Variants in ZDHHC11B observed in about 807,000 individuals in gnomAD.
The protein encoded by ZDHHC11B is zDHHC palmitoyltransferase 11B (putative).
Under a neutral mutation model 42.3 loss-of-function variants are expected in ZDHHC11B, and 17 were observed. The observed-to-expected ratio is 0.40, with a 90% CI of 0.27 to 0.60. The LOEUF (loss-of-function observed/expected upper bound fraction) is 0.60. ZDHHC11B is among the 20% of genes least tolerant of loss of function. The pLI is 0.41. For missense variants in ZDHHC11B, 262 were observed against 463.2 expected, an observed-to-expected ratio of 0.57 and a Z score of 3.99; for synonymous variants, 123 against 193.5, an observed-to-expected ratio of 0.64 and a Z score of 3.02.
At chr5:751,984 T>A (rs1745836508) in intron 6 of ZDHHC11B, among the ~76,000 whole-genome samples, 1 of 121,082 alleles carries the variant, frequency 8.3e-6, no homozygotes, top group African/African-American at 2.6e-5. Context: ...TCACACGGCG[T>A]CTCCAGTGTC....
intron 12 of ZDHHC11B, among the ~76,000 whole-genome samples, chr5:719,604 G>A (rs1191082912): frequency 1.1e-4 from 17 of 149,246 alleles, no homozygotes; most frequent in Middle Eastern, 3.5e-3. Context: ...GAAGACAACC[G>A]AAATTATCCA....
At chr5:763,548 C>T (rs1734901002) in intron 4 of ZDHHC11B, among the ~76,000 whole-genome samples, 1 of 151,772 alleles carries the variant, frequency 6.6e-6, no homozygotes, top group African/African-American at 2.4e-5. Context: ...GACTGAGGGG[C>T]CTCCTGTGGG....
In ZDHHC11B at chr5:730,473, G is replaced by C. The variant is rs780360187; in HGVS notation, c.1024-5C>G. The C allele has an allele frequency of 9.0e-6, 14 of 1,556,650 alleles. No homozygotes were observed. The highest frequency in any genetic ancestry group is 1.7e-4 in the Middle Eastern group (1 of 5,964). Reference sequence around the variant, plus strand: ...ACTCGGGGCATCATCTGCTTCCTGTGGGGGGAAGGGAAGCAAAATTCTTAG... The same window carrying C: ...ACTCGGGGCATCATCTGCTTCCTGTCGGGGGAAGGGAAGCAAAATTCTTAG... On this transcript the variant is annotated splice_polypyrimidine_tract_variant and splice_region_variant and intron_variant, in intron 11 of 13. Transcript: ENST00000508859.
chr5:783,853 GC>G (rs1207700964), intron 1 of ZDHHC11B, among the ~76,000 whole-genome samples: 35 of 124,192 alleles, frequency 2.8e-4, no homozygotes, highest in Non-Finnish European at 5.0e-4. Flanking sequence ...CAAAACAGCA[GC>G]CCCCCAAGCC....
chr5:716,760 T>C (rs1231201443), intron 13 of ZDHHC11B, 41 bp downstream of exon 13: 1 of 1,611,354 alleles, frequency 6.2e-7, no homozygotes, highest in African/African-American at 1.3e-5. Context: ...GAACCAAACT[T>C]GGGTAGATTT....
intron 11 of ZDHHC11B, among the ~76,000 whole-genome samples, chr5:732,936 A>G (rs1460851916): frequency 6.6e-6 from 1 of 151,794 alleles, no homozygotes; most frequent in African/African-American, 2.4e-5. Flanking sequence ...ACACACCTGT[A>G]CTTTCGGCTA....
intron 1 of ZDHHC11B, among the ~76,000 whole-genome samples, chr5:773,037 C>T (rs1281156873): frequency 6.6e-6 from 1 of 151,984 alleles, no homozygotes; most frequent in Non-Finnish European, 1.5e-5. Context: ...ACGGGCCACA[C>T]ACACAGATCA....
chr5:776,293 C>T (rs1736474885), intron 1 of ZDHHC11B, among the ~76,000 whole-genome samples: 1 of 151,870 alleles, frequency 6.6e-6, no homozygotes, highest in African/African-American at 2.4e-5. Flanking sequence ...GGCCACAGGT[C>T]CCACCTTGGC....
intron 8 of ZDHHC11B, among the ~76,000 whole-genome samples, chr5:745,953 T>C (rs1744758521): frequency 6.7e-6 from 1 of 149,300 alleles, no homozygotes; most frequent in African/African-American, 2.5e-5. Flanking sequence ...CTGAGACAGG[T>C]CACCATCCCT....
chr5:750,645 G>A (rs1184967499), intron 7 of ZDHHC11B, among the ~76,000 whole-genome samples: 1 of 125,750 alleles, frequency 8.0e-6, no homozygotes, highest in Non-Finnish European at 1.7e-5. Flanking sequence ...GGCTCAGTGT[G>A]AGCATTGGTT....
chr5:778,883 C>T (rs1369381760), intron 1 of ZDHHC11B, among the ~76,000 whole-genome samples: 3 of 151,878 alleles, frequency 2.0e-5, no homozygotes, highest in Non-Finnish European at 4.4e-5. Context: ...ATTAACAGAG[C>T]CTTTGGGGGA....
chr5:718,069 A>T (rs1490201034), intron 12 of ZDHHC11B, among the ~76,000 whole-genome samples: 7 of 151,890 alleles, frequency 4.6e-5, no homozygotes, highest in Non-Finnish European at 1.5e-5. Context: ...AATTACTGAG[A>T]ATAAAAAGAA....
chr5:714,422 C>G (rs960394937), intron 13 of ZDHHC11B, among the ~76,000 whole-genome samples: 3,664 of 127,486 alleles, frequency 0.029, 19 homozygotes, highest in African/African-American at 0.069. Flanking sequence ...GTTTTGTGTG[C>G]TCTACAGTAA....
intron 1 of ZDHHC11B, among the ~76,000 whole-genome samples, chr5:777,077 G>A (rs982261042): frequency 6.6e-6 from 1 of 151,922 alleles, no homozygotes; most frequent in Non-Finnish European, 1.5e-5. Context: ...CAGGAATGAA[G>A]CTGCGGAGCC....
rs1209612241 is a variant in ZDHHC11B at position 711,180 on chromosome 5, T to C, written c.*1110A>G. ...ACTGTGCTCCGCTTTCCCAGTACTA[T>C]GCTCCCATTTCCCAGTGCTGTGCCC... On this transcript the variant is annotated 3_prime_UTR_variant, in exon 14 of 14. Transcript: ENST00000508859. The C allele has an allele frequency of 6.5e-6, 1 of 154,728 alleles. No homozygotes were observed. Among genetic ancestry groups the C allele is most frequent in the African/African-American group, 2.4e-5 (1 of 40,954 alleles). The allele number at this position is 154,728 out of a possible 1,614,324, so 9.6% of individuals were successfully genotyped here. A position where few individuals can be genotyped will look rare whatever the true frequency, so the allele number is the denominator to read the frequency against.
intron 9 of ZDHHC11B, among the ~76,000 whole-genome samples, chr5:743,211 A>G (rs1236742317): frequency 2.7e-5 from 4 of 148,866 alleles, no homozygotes; most frequent in Non-Finnish European, 1.5e-5. Flanking sequence ...CTTCTGGTCC[A>G]TTTCTCTATA....
chr5:729,688 T>C (rs1223140140), intron 12 of ZDHHC11B, among the ~76,000 whole-genome samples: 1 of 150,726 alleles, frequency 6.6e-6, no homozygotes, highest in East Asian at 1.9e-4. Context: ...GAGCGCAATA[T>C]CTAAACCCTA....
chr5:765,862 A>G (rs1735247422), intron 4 of ZDHHC11B, among the ~76,000 whole-genome samples: 1 of 152,040 alleles, frequency 6.6e-6, no homozygotes, highest in African/African-American at 2.4e-5. Flanking sequence ...CTGCGGCTTC[A>G]TTCTTGAAGT....
Position 731,042 on chromosome 5 carries a change from A to G in ZDHHC11B, c.1024-574T>C, listed in dbSNP as rs1294722506. On this transcript the variant is annotated intron_variant, in intron 11 of 13. Transcript: ENST00000508859. ...GCTCTAGCAAAGAAAAACACCTGCTATGTGTGCACACACATGTTGTTCTCA... is the reference window on the plus strand; with the variant it reads ...GCTCTAGCAAAGAAAAACACCTGCTGTGTGTGCACACACATGTTGTTCTCA... Among the ~76,000 whole-genome samples, 3 of 151,906 alleles carry G rather than the reference A, an allele frequency of 2.0e-5. 1 individual carries two copies. The highest frequency in any genetic ancestry group is 7.3e-5 in the African/African-American group (3 of 41,262).
Sources: allele counts gnomAD v4.1 joint callset (sites outside exome capture counted in the v4.1 genomes callset), GRCh38; gene constraint gnomAD v4.1.1; transcripts MANE v1.5; gene names NCBI Gene and HGNC (gene_info 2026-07-23, HGNC 2026-07-21).